ABCC2: variants seen among roughly 807,000 people sequenced by gnomAD.
ABCC2 encodes the protein ATP binding cassette subfamily C member 2, also known as ATP-binding cassette sub-family C member 2.
In ABCC2, 157 loss-of-function variants were observed where a neutral mutation model predicts 173.4. The observed-to-expected ratio is 0.91, with a 90% confidence interval of 0.80 to 1.03. The LOEUF (loss-of-function observed/expected upper bound fraction) is 1.03. Ranked by LOEUF, ABCC2 falls within the 50% of genes least tolerant of loss-of-function variation. The probability of loss-of-function intolerance (pLI) is 0.00; values close to 1 mark genes in which losing one functional copy is unlikely to be tolerated. For missense variants in ABCC2, 1,822 were observed against 1,852.3 expected (o/e 0.98, Z 0.30); for synonymous variants, 657 against 693.5 (o/e 0.95, Z 0.83).
intron 6 of ABCC2, among the ~76,000 whole-genome samples, chr10:99,795,663 C>T (rs1471626830): frequency 6.6e-6 from 1 of 150,652 alleles, no homozygotes; most frequent in Non-Finnish European, 1.5e-5. Flanking sequence ...CGCACCATTG[C>T]ACTCCAGTCT....
At chr10:99,814,507 G>GTATATACACATATACACACA (rs200839258) in intron 16 of ABCC2, among the ~76,000 whole-genome samples, 1 of 89,412 alleles carries the variant, frequency 1.1e-5, no homozygotes, top group East Asian at 6.5e-4. Context: ...ATATGTGTGT[G>GTATATACACATATACACACA]TATGTGTATA....
rs533048556 is a variant in ABCC2, at chr10:99,844,381, G to A, written c.3903G>A (p.Gln1301=). The A allele has an allele frequency of 1.9e-6, 3 of 1,614,226 alleles. No homozygotes were observed. Among genetic ancestry groups the A allele is most frequent in the East Asian group, 4.5e-5 (2 of 44,884 alleles). ...ATTGGCCCAGCAAAGGCAAGATCCA[G>A]TTTAACAACTACCAAGTGCGGTACC... The part of the protein sequence containing the change: ...PPDWPSKGKI[Q]FNNYQVRYRP... Residue 1301 remains glutamine, a synonymous_variant, in exon 28 of 32, where the codon CAG becomes CAA. Transcript: ENST00000647814.
intron 26 of ABCC2, among the ~76,000 whole-genome samples, 189 bp downstream of exon 26, chr10:99,842,282 A>G (rs553898412): frequency 6.6e-6 from 1 of 152,328 alleles, no homozygotes; most frequent in African/African-American, 2.4e-5. Flanking sequence ...GTAGACATGA[A>G]TGCCATCTAG....
chr10:99,851,699 A>G lies in ABCC2; in HGVS notation c.*68A>G. Reference sequence around the variant, plus strand: ...CTTATTTAATTTTATTTTTTATAAAATACAGAATACATACAAAAGTGTGTA... The same window carrying G: ...CTTATTTAATTTTATTTTTTATAAAGTACAGAATACATACAAAAGTGTGTA... On this transcript the variant is annotated 3_prime_UTR_variant, in exon 32 of 32. Coordinates refer to ENST00000647814, the MANE Select transcript of ABCC2 (RefSeq NM_000392.5). The G allele has an allele frequency of 7.1e-7, 1 of 1,399,814 alleles. No individual in the cohort carries two copies. The highest frequency in any genetic ancestry group is 9.8e-7 in the Non-Finnish European group (1 of 1,019,546). The allele number at this position is 1,399,814 out of a possible 1,614,324, so 86.7% of individuals were successfully genotyped here. A position where few individuals can be genotyped will look rare whatever the true frequency, so the allele number is the denominator to read the frequency against.
In ABCC2 at chr10:99,851,665, G is replaced by C; in HGVS notation, c.*34G>C. 6.3e-7 allele frequency: 1 copy of C among 1,581,746 alleles called. No homozygotes were observed. The highest frequency in any genetic ancestry group is 8.6e-7 in the Non-Finnish European group (1 of 1,158,906). ...CCCATGGGTTAGAAAAGGACTATAAGAATAATTTCTTATTTAATTTTATTT... is the reference window on the plus strand; with the variant it reads ...CCCATGGGTTAGAAAAGGACTATAACAATAATTTCTTATTTAATTTTATTT... On this transcript the variant is annotated 3_prime_UTR_variant, in exon 32 of 32. Transcript: ENST00000647814.
At chr10:99,811,484 GAC>G in intron 14 of ABCC2, 50 bp from the exon 15 acceptor site, 1 of 1,561,292 alleles carries the variant, frequency 6.4e-7, no homozygotes. Context: ...CGTGAGGGCA[GAC>G]AGTCACGTGG....
rs11190289 is a variant in ABCC2 at position 99,797,441 on chromosome 10, G to A, written c.867+110G>A. On this transcript the variant is annotated intron_variant, in intron 7 of 31. Transcript: ENST00000647814. ...TTTTTATAGCACTTCATACTTCTCA[G>A]TGCACTTCATATTATTAATGGTATT... 876 of 918,766 alleles carry A rather than the reference G, an allele frequency of 9.5e-4. 4 individuals carry two copies. The African/African-American group carries it at 0.011, about 12-fold the overall frequency. 56.9% of individuals were successfully genotyped at this position (918,766 alleles called of 1,614,324 possible). A position where few individuals can be genotyped will look rare whatever the true frequency, so the allele number is the denominator to read the frequency against.
intron 8 of ABCC2, among the ~76,000 whole-genome samples, chr10:99,800,169 A>G (rs2133001763): frequency 6.6e-6 from 1 of 152,360 alleles, no homozygotes; most frequent in Non-Finnish European, 1.5e-5. Context: ...ACTGCACTCC[A>G]GCCTGGGCAA....
chr10:99,830,951 A>T (rs1381306963), intron 21 of ABCC2, 100 bp downstream of exon 21: 1 of 1,325,678 alleles, frequency 7.5e-7, no homozygotes, highest in African/African-American at 1.5e-5. Flanking sequence ...TACAGGAGCA[A>T]TATGTCCTCT....
At chr10:99,797,428 T>G in intron 7 of ABCC2, 97 bp downstream of exon 7, 1 of 1,061,694 alleles carries the variant, frequency 9.4e-7, no homozygotes, top group Non-Finnish European at 1.4e-6. Flanking sequence ...TTTATAGCAC[T>G]TCATACTTCT....
At chr10:99,799,173 C>T (rs1590148952) in intron 7 of ABCC2, 34 bp from the exon 8 acceptor site, 3 of 1,612,644 alleles carry the variant, frequency 1.9e-6, no homozygotes, top group Non-Finnish European at 8.5e-7. Context: ...ACAGACATAA[C>T]TCTGTGGACA....
chr10:99,797,865 C>G (rs1455096527), intron 7 of ABCC2: 1 of 178,946 alleles, frequency 5.6e-6, no homozygotes, highest in Non-Finnish European at 1.2e-5. Flanking sequence ...GAGGAGATGA[C>G]ATCTGAACAG....
Position 99,804,109 on chromosome 10 carries a change from G to T in ABCC2, c.1300G>T (p.Val434Leu). 3.7e-6 allele frequency: 6 copies of T among 1,614,188 alleles called. No individual in the cohort carries two copies. Among genetic ancestry groups the T allele is most frequent in the Non-Finnish European group, 5.1e-6 (6 of 1,180,038 alleles). Residue 434 changes from valine (V) to leucine (L), a missense_variant, in exon 10 of 32, where the codon GTG becomes TTG. Coordinates refer to ENST00000647814, the MANE Select transcript of ABCC2 (RefSeq NM_000392.5). ...MSVDAQKLMD[V>L]TNFMHMLWSS... Reference sequence around the variant, plus strand: ...TGTGGATGCCCAGAAGCTCATGGATGTGACCAACTTCATGCACATGCTGTG... The same window carrying T: ...TGTGGATGCCCAGAAGCTCATGGATTTGACCAACTTCATGCACATGCTGTG...
intron 26 of ABCC2, among the ~76,000 whole-genome samples, chr10:99,842,601 A>C (rs2038963767): frequency 6.6e-6 from 1 of 152,182 alleles, no homozygotes; most frequent in South Asian, 2.1e-4. Context: ...ATTCTTTTCT[A>C]GCACCTAAGA....
At position 99,831,550 on chromosome 10, in the gene ABCC2, G is replaced by C. The variant is rs538558066; in HGVS notation, c.2884-61G>C. 6 of 1,523,442 alleles carry C rather than the reference G, an allele frequency of 3.9e-6. No individual in the cohort carries two copies. The East Asian group carries it at 1.3e-4, about 34-fold the overall frequency. The allele number at this position is 1,523,442 out of a possible 1,614,324, so 94.4% of individuals were successfully genotyped here. On this transcript the variant is annotated intron_variant, in intron 21 of 31. Transcript: ENST00000647814. ...ACTTCTCCTTGTGGTTGGCATTCTAGGTGATTCCTTATCAAAAGCCATTAG... is the reference window on the plus strand; with the variant it reads ...ACTTCTCCTTGTGGTTGGCATTCTACGTGATTCCTTATCAAAAGCCATTAG...
intron 27 of ABCC2, 56 bp from the exon 28 acceptor site, chr10:99,844,266 T>A: frequency 6.2e-7 from 1 of 1,609,166 alleles, no homozygotes; most frequent in Non-Finnish European, 8.5e-7. Context: ...CTGGGTGGAC[T>A]GTTCGGCTGA....
At position 99,814,574 on chromosome 10, in the gene ABCC2, CAT is replaced by C. The variant is rs760480281; in HGVS notation, c.2094+1433_2094+1434del. On this transcript the variant is annotated intron_variant, in intron 16 of 31. Transcript: ENST00000647814. ...ATGTGTATATACACATATACACACA[CAT>C]ATGTGTATATACACATATACACACA... Among the ~76,000 whole-genome samples the C allele has an allele frequency of 5.0e-3, 483 of 96,870 alleles. 33 individuals are homozygous for C. The highest frequency in any genetic ancestry group is 6.8e-3 in the African/African-American group (165 of 24,152). The allele number at this position is 96,870 out of a possible 152,430, so 63.6% of individuals were successfully genotyped here.
rs1294847909 is a variant in ABCC2 at position 99,847,141 on chromosome 10, GC to G, written c.4313+16del. 3 of 1,614,006 alleles carry G rather than the reference GC, an allele frequency of 1.9e-6. No homozygotes were observed. Among genetic ancestry groups the G allele is most frequent in the Non-Finnish European group, 2.5e-6 (3 of 1,179,994 alleles). On this transcript the variant is annotated intron_variant, in intron 30 of 31. Coordinates refer to ENST00000647814, the MANE Select transcript of ABCC2 (RefSeq NM_000392.5). ...TGGCAACCTGAGGTAATGTTCCATA[GC>G]CTGCTACCCCTGCAGGCAATGAGAG... is the stretch of plus-strand genomic sequence containing the variant.
At chr10:99,798,601 A>C (rs1012007705) in intron 7 of ABCC2, among the ~76,000 whole-genome samples, 3 of 152,032 alleles carry the variant, frequency 2.0e-5, no homozygotes, top group Admixed American at 6.6e-5. Context: ...GGCATTCCTT[A>C]ACTTCTGGAT....
Sources: gnomAD v4.1 joint callset for allele counts (sites outside exome capture counted in the v4.1 genomes callset) on GRCh38, gnomAD v4.1.1 for gene constraint, MANE v1.5 for transcripts, NCBI Gene and HGNC (gene_info 2026-07-23, HGNC 2026-07-21) for gene names.